Variants in SEL1L2 observed in about 807,000 individuals in gnomAD.
SEL1L2 encodes protein sel-1 homolog 2.
SEL1L2 carries 89 observed loss-of-function variants against 98.8 expected under a neutral mutation model. That is an observed-to-expected ratio of 0.90 (90% CI 0.76 to 1.07). The LOEUF is 1.07. SEL1L2 is among the 50% of genes least tolerant of loss of function. The pLI, the probability that SEL1L2 is intolerant of heterozygous loss-of-function variation, is 0.00. For missense variants in SEL1L2, 788 were observed against 812.0 expected, an observed-to-expected ratio of 0.97 and a Z score of 0.36; for synonymous variants, 262 against 278.5, an observed-to-expected ratio of 0.94 and a Z score of 0.59.
At chr20:13,867,042 T>C (rs1371218149) in intron 14 of SEL1L2, among the ~76,000 whole-genome samples, 192 bp from the exon 15 acceptor site, 3 of 152,124 alleles carry the variant, frequency 2.0e-5, no homozygotes, top group South Asian at 4.1e-4. Context: ...AGTAAGAATA[T>C]GGAAATTTAT....
intron 1 of SEL1L2, among the ~76,000 whole-genome samples, chr20:13,982,877 A>G (rs528887987): frequency 6.6e-6 from 1 of 151,680 alleles, no homozygotes; most frequent in South Asian, 2.1e-4. Context: ...TACAAAAATT[A>G]GCTGGGCGTG....
intron 17 of SEL1L2, among the ~76,000 whole-genome samples, chr20:13,863,492 C>G (rs1021189090): frequency 6.6e-6 from 1 of 152,180 alleles, no homozygotes; most frequent in Non-Finnish European, 1.5e-5. Context: ...ACCCTCTTTA[C>G]ATGAGTAACT....
chr20:13,929,031 T>C (rs2148295897), intron 3 of SEL1L2, among the ~76,000 whole-genome samples: 1 of 152,274 alleles, frequency 6.6e-6, no homozygotes, highest in East Asian at 1.9e-4. Flanking sequence ...CTAGATAATC[T>C]GGGTTGGCCC....
intron 1 of SEL1L2, among the ~76,000 whole-genome samples, chr20:13,988,887 G>A (rs963663470): frequency 4.6e-5 from 7 of 152,076 alleles, no homozygotes; most frequent in South Asian, 2.1e-4. Context: ...GGTGGCAGAC[G>A]ACTGTAATTC....
intron 5 of SEL1L2, among the ~76,000 whole-genome samples, chr20:13,900,433 G>C (rs2047619800): frequency 6.6e-6 from 1 of 152,120 alleles, no homozygotes; most frequent in African/African-American, 2.4e-5. Context: ...CTGAAAAAGT[G>C]CCCACTTGTA....
At chr20:13,906,972 C>A (rs1463289497) in intron 5 of SEL1L2, among the ~76,000 whole-genome samples, 1 of 152,162 alleles carries the variant, frequency 6.6e-6, no homozygotes, top group Non-Finnish European at 1.5e-5. Context: ...AGCCACCACA[C>A]CCGGCCTTAT....
intron 2 of SEL1L2, among the ~76,000 whole-genome samples, chr20:13,943,833 A>T (rs1230658996): frequency 1.3e-5 from 2 of 152,140 alleles, no homozygotes; most frequent in African/African-American, 2.4e-5. Context: ...TTGGTGATTT[A>T]AAAAATTCAC....
chr20:13,990,556 TCACTGTAA>T lies in SEL1L2; in HGVS notation c.-30_-23del, dbSNP rs776675640. 4 of 1,593,332 alleles carry T rather than the reference TCACTGTAA, an allele frequency of 2.5e-6. No homozygotes were observed. The highest frequency in any genetic ancestry group is 3.4e-6 in the Non-Finnish European group (4 of 1,162,218). ...TCATCTTCTCTTAAGCAGCTTCTCT[TCACTGTAA>T]CACAGGCAGAAACTAGGTGATTGGC... On this transcript the variant is annotated 5_prime_UTR_variant, in exon 1 of 20. Transcript: ENST00000284951.
At chr20:13,929,082 T>G (rs2049015054) in intron 3 of SEL1L2, among the ~76,000 whole-genome samples, 1 of 152,136 alleles carries the variant, frequency 6.6e-6, no homozygotes, top group South Asian at 2.1e-4. Flanking sequence ...GAACTGAGGC[T>G]TCTCTGAGGA....
intron 5 of SEL1L2, among the ~76,000 whole-genome samples, chr20:13,891,314 T>A (rs142237389): frequency 5.2e-3 from 792 of 152,274 alleles, no homozygotes; most frequent in Non-Finnish European, 8.1e-3. Context: ...TCAGCAGATT[T>A]CTCAGCAGAA....
At chr20:13,990,083 GTTTATACATC>G (rs967017334) in intron 1 of SEL1L2, among the ~76,000 whole-genome samples, 1 of 152,092 alleles carries the variant, frequency 6.6e-6, no homozygotes, top group African/African-American at 2.4e-5. Context: ...AAAAAAGCAT[GTTTATACATC>G]TTTCACACTC....
chr20:13,931,048 ATTT>A (rs11469570), intron 3 of SEL1L2, among the ~76,000 whole-genome samples: 84 of 144,222 alleles, frequency 5.8e-4, no homozygotes, highest in Middle Eastern at 3.5e-3. Flanking sequence ...AGGAGTATCT[ATTT>A]TTTTTTTTTT....
At chr20:13,912,404 T>A (rs755898374) in intron 5 of SEL1L2, among the ~76,000 whole-genome samples, 1 of 151,200 alleles carries the variant, frequency 6.6e-6, no homozygotes, top group Non-Finnish European at 1.5e-5. Flanking sequence ...TTCAAGCAAT[T>A]CTCCTCCTCA....
intron 11 of SEL1L2, 94 bp from the exon 12 acceptor site, chr20:13,876,209 C>T (rs2046421753): frequency 7.9e-6 from 7 of 881,802 alleles, no homozygotes; most frequent in East Asian, 7.4e-5. Context: ...AGTGGTACAA[C>T]ATATTGAATG....
intron 3 of SEL1L2, among the ~76,000 whole-genome samples, chr20:13,924,850 A>C (rs1341839903): frequency 6.6e-6 from 1 of 152,054 alleles, no homozygotes; most frequent in Non-Finnish European, 1.5e-5. Context: ...TCAAGTCTTG[A>C]GGTGCTGGCC....
chr20:13,919,806 A>G, intron 3 of SEL1L2, among the ~76,000 whole-genome samples: 1 of 151,782 alleles, frequency 6.6e-6, no homozygotes, highest in South Asian at 2.1e-4. Context: ...CACACCTGTA[A>G]TCCCAGCTAC....
chr20:13,850,974 C>T (rs899370350), intron 18 of SEL1L2, among the ~76,000 whole-genome samples: 10 of 152,248 alleles, frequency 6.6e-5, no homozygotes, highest in African/African-American at 1.9e-4. Context: ...GGGGGGTTCA[C>T]GCCTGTAGTC....
intron 19 of SEL1L2, chr20:13,849,901 G>T: frequency 1.8e-6 from 1 of 542,608 alleles, no homozygotes; most frequent in East Asian, 3.2e-5. Flanking sequence ...GGTAAGAACT[G>T]TTTTGAAGAA....
intron 5 of SEL1L2, among the ~76,000 whole-genome samples, chr20:13,909,907 G>T (rs989607553): frequency 6.6e-6 from 1 of 152,090 alleles, no homozygotes; most frequent in Admixed American, 6.6e-5. Flanking sequence ...GGAGGTGGAG[G>T]TTGCAGCGAG....
Sources: gnomAD v4.1 joint callset for allele counts (sites outside exome capture counted in the v4.1 genomes callset) on GRCh38, gnomAD v4.1.1 for gene constraint, MANE v1.5 for transcripts, NCBI Gene and HGNC (gene_info 2026-07-23, HGNC 2026-07-21) for gene names.